Variants in ADAMTS9 observed in about 807,000 individuals in gnomAD.
ADAMTS9 encodes A disintegrin and metalloproteinase with thrombospondin motifs 9.
In ADAMTS9, 107 loss-of-function variants were observed where a neutral mutation model predicts 257.1. The ratio of observed to expected loss-of-function variants is 0.42; its 90% CI spans 0.36 to 0.49. The LOEUF (loss-of-function observed/expected upper bound fraction) is 0.49. Among genes scored for constraint, ADAMTS9 ranks in the 20% least tolerant of loss-of-function variants. The pLI, the probability that ADAMTS9 is intolerant of heterozygous loss-of-function variation, is 0.03. For synonymous variants in ADAMTS9, 982 were observed against 880.9 expected (o/e 1.11, Z -2.03); for missense variants, 2,353 against 2,469.1 (o/e 0.95, Z 1.00).
intron 27 of ADAMTS9, among the ~76,000 whole-genome samples, chr3:64,595,684 G>A (rs60073432): frequency 0.085 from 12,887 of 152,134 alleles, 807 homozygotes; most frequent in East Asian, 0.26. Flanking sequence ...CAATAATCCC[G>A]TTATGACTGC....
chr3:64,621,344 A>G (rs1344876003), intron 18 of ADAMTS9, 104 bp from the exon 19 acceptor site: 6 of 1,302,976 alleles, frequency 4.6e-6, no homozygotes, highest in Non-Finnish European at 6.3e-6. Flanking sequence ...CAGACAGTAA[A>G]TATCTTCAGA....
chr3:64,638,426 A>G (rs1273661979), intron 12 of ADAMTS9, among the ~76,000 whole-genome samples: 3 of 152,166 alleles, frequency 2.0e-5, no homozygotes, highest in African/African-American at 7.2e-5. Flanking sequence ...TTACTCTATT[A>G]CACACGTCTT....
intron 16 of ADAMTS9, among the ~76,000 whole-genome samples, chr3:64,625,409 T>A (rs1008705059): frequency 1.3e-5 from 2 of 152,050 alleles, no homozygotes; most frequent in Non-Finnish European, 2.9e-5. Flanking sequence ...TTCCAAGGAT[T>A]TAGGTTAAGT....
intron 8 of ADAMTS9, among the ~76,000 whole-genome samples, chr3:64,653,615 T>C (rs1245538474): frequency 6.6e-6 from 1 of 152,164 alleles, no homozygotes; most frequent in Non-Finnish European, 1.5e-5. Context: ...CACAAATTGA[T>C]CTATTAATAT....
At chr3:64,625,871 C>T (rs1700211385) in intron 16 of ADAMTS9, among the ~76,000 whole-genome samples, 1 of 152,196 alleles carries the variant, frequency 6.6e-6, no homozygotes, top group Non-Finnish European at 1.5e-5. Context: ...ACCTATCTTC[C>T]TAGTCTGACC....
intron 20 of ADAMTS9, 138 bp from the exon 21 acceptor site, chr3:64,615,623 C>A (rs2084747967): frequency 1.1e-6 from 1 of 941,286 alleles, no homozygotes; most frequent in Non-Finnish European, 1.5e-6. Flanking sequence ...TGGTGGAGAT[C>A]TTTTCATGTT....
In ADAMTS9 at chr3:64,683,982, T is replaced by G. The variant is rs140974593; in HGVS notation, c.516+2586A>C. Among the ~76,000 whole-genome samples, 382 of 152,166 alleles carry G rather than the reference T, an allele frequency of 2.5e-3. 3 individuals carry two copies. The highest frequency in any genetic ancestry group is 4.2e-3 in the Admixed American group (65 of 15,296). On this transcript the variant is annotated intron_variant, in intron 2 of 39. Coordinates refer to ENST00000498707, the MANE Select transcript of ADAMTS9 (RefSeq NM_182920.2). The stretch of plus-strand genomic sequence containing the variant: ...TCTGGGAAAGAAGAGATATAAATTA[T>G]ATACACCTCCAAAGAAGGGTAGGAT...
intron 6 of ADAMTS9, 30 bp from the exon 7 acceptor site, chr3:64,654,642 G>A (rs369167423): frequency 6.2e-6 from 10 of 1,612,206 alleles, no homozygotes; most frequent in Non-Finnish European, 8.5e-6. Context: ...AGGCCTTGAT[G>A]ACATCAAAGA....
intron 26 of ADAMTS9, among the ~76,000 whole-genome samples, chr3:64,598,496 T>G (rs1250386409): frequency 6.6e-6 from 1 of 151,500 alleles, no homozygotes; most frequent in Non-Finnish European, 1.5e-5. Flanking sequence ...TTTTTAAAAT[T>G]TTTCGTAGAG....
intron 22 of ADAMTS9, among the ~76,000 whole-genome samples, chr3:64,611,025 G>A (rs1328462177): frequency 2.7e-5 from 4 of 146,326 alleles, no homozygotes; most frequent in Non-Finnish European, 5.9e-5. Flanking sequence ...GCCATGAGCC[G>A]AGATGGCGCC....
chr3:64,595,153 A>G (rs572680918), intron 27 of ADAMTS9, among the ~76,000 whole-genome samples: 1 of 152,216 alleles, frequency 6.6e-6, no homozygotes, highest in East Asian at 1.9e-4. Context: ...AACTGGTTCT[A>G]TTTTCTGGCA....
intron 15 of ADAMTS9, 117 bp downstream of exon 15, chr3:64,631,688 TCCA>T (rs1457673908): frequency 6.7e-6 from 8 of 1,186,976 alleles, no homozygotes; most frequent in African/African-American, 1.5e-5. Context: ...CGATGGATAA[TCCA>T]CCATAACGAG....
At chr3:64,559,583 T>C (rs544925835) in intron 30 of ADAMTS9, among the ~76,000 whole-genome samples, 102 of 152,344 alleles carry the variant, frequency 6.7e-4, no homozygotes, top group Middle Eastern at 3.4e-3. Context: ...CCAGGCCAGG[T>C]TATCTCCTGA....
intron 3 of ADAMTS9, among the ~76,000 whole-genome samples, chr3:64,667,449 G>A (rs543179700): frequency 6.6e-6 from 1 of 152,326 alleles, no homozygotes; most frequent in East Asian, 1.9e-4. Context: ...GGTGGGATGT[G>A]TGGATGGGCT....
chr3:64,550,746 C>T (rs1272581922), intron 31 of ADAMTS9, 146 bp downstream of exon 31: 5 of 959,882 alleles, frequency 5.2e-6, no homozygotes, highest in South Asian at 5.2e-5. Context: ...AAGCTGAGGA[C>T]TTGTCAGAAA....
intron 3 of ADAMTS9, among the ~76,000 whole-genome samples, chr3:64,660,218 C>T (rs1462523760): frequency 2.0e-5 from 3 of 152,032 alleles, no homozygotes; most frequent in Non-Finnish European, 4.4e-5. Flanking sequence ...GCTTACCTAA[C>T]ACATAAGGAA....
At position 64,540,936 on chromosome 3, in the gene ADAMTS9, T is replaced by C. The variant is rs9848764; in HGVS notation, c.5521+159A>G. 0.063 allele frequency among the ~76,000 whole-genome samples: 9,533 copies of C among 152,222 alleles called. 909 individuals are homozygous for C. Among genetic ancestry groups the C allele is most frequent in the Admixed American group, 0.26 (3,959 of 15,280 alleles). The stretch of plus-strand genomic sequence containing the variant: ...AAACTGCCTGCAGGACTATCCTCGC[T>C]GCACTGTAAGCTCCCAATGTTCTTC... On this transcript the variant is annotated intron_variant, in intron 36 of 39. Coordinates refer to ENST00000498707, the MANE Select transcript of ADAMTS9 (RefSeq NM_182920.2).
intron 12 of ADAMTS9, among the ~76,000 whole-genome samples, chr3:64,637,236 T>C (rs922900183): frequency 5.9e-5 from 9 of 152,208 alleles, no homozygotes; most frequent in African/African-American, 1.9e-4. Flanking sequence ...TCTTTCAGCA[T>C]GGAAAAAAAT....
chr3:64,632,925 G>C lies in ADAMTS9; in HGVS notation c.2175+547C>G, dbSNP rs866760719. On this transcript the variant is annotated intron_variant, in intron 14 of 39. Transcript: ENST00000498707. ...TTTGACTAACGAGAACGTTGAAATG[G>C]TATCTAGCCCCTGAGAAATCACTGC... 2.0e-5 allele frequency among the ~76,000 whole-genome samples: 3 copies of C among 152,204 alleles called. No homozygotes were observed. The South Asian group carries it at 6.2e-4, about 32-fold the overall frequency.
Sources: allele counts gnomAD v4.1 joint callset (sites outside exome capture counted in the v4.1 genomes callset), GRCh38; gene constraint gnomAD v4.1.1; transcripts MANE v1.5; gene names NCBI Gene and HGNC (gene_info 2026-07-23, HGNC 2026-07-21).